The following GCLC variants were observed in gnomAD, a reference collection of about 807,000 sequenced individuals.
GCLC encodes glutamate-cysteine ligase catalytic subunit, also known as glutamate--cysteine ligase catalytic subunit.
In GCLC, 30 loss-of-function variants were observed where a neutral mutation model predicts 81.5. The ratio of observed to expected loss-of-function variants is 0.37; its 90% CI spans 0.28 to 0.50. GCLC has a LOEUF of 0.50. Among genes scored for constraint, GCLC ranks in the 20% least tolerant of loss-of-function variants. The pLI is 0.96. For missense variants in GCLC, 556 were observed against 777.4 expected (o/e 0.72, Z 3.39); for synonymous variants, 262 against 273.3 (o/e 0.96, Z 0.41).
intron 3 of GCLC, among the ~76,000 whole-genome samples, chr6:53,517,078 A>ATTT (rs1242492685): frequency 9.5e-6 from 1 of 105,174 alleles, no homozygotes; most frequent in African/African-American, 3.9e-5. Flanking sequence ...TTTAAAAAAA[A>ATTT]ATTTTTTTTT....
At chr6:53,542,931 C>CT (rs1763384809) in intron 1 of GCLC, among the ~76,000 whole-genome samples, 1 of 152,046 alleles carries the variant, frequency 6.6e-6, no homozygotes, top group African/African-American at 2.4e-5. Context: ...ATTGCTTGAA[C>CT]CCGGGAGGCT....
At chr6:53,515,838 A>G (rs1465188168) in intron 4 of GCLC, among the ~76,000 whole-genome samples, 1 of 152,144 alleles carries the variant, frequency 6.6e-6, no homozygotes, top group Non-Finnish European at 1.5e-5. Context: ...TAATCTCCCT[A>G]TTAAAAGAGT....
intron 12 of GCLC, chr6:53,500,773 G>A (rs1029383254): frequency 2.3e-5 from 12 of 517,070 alleles, no homozygotes; most frequent in Admixed American, 1.3e-4. Context: ...CATGTGGAAC[G>A]TCTGCATTTC....
At chr6:53,520,084 T>A (rs1280070487) in intron 3 of GCLC, among the ~76,000 whole-genome samples, 4 of 152,202 alleles carry the variant, frequency 2.6e-5, no homozygotes, top group African/African-American at 9.6e-5. Flanking sequence ...ATCACATTCA[T>A]GTTTTGGCAG....
At chr6:53,531,991 C>T (rs1763179181) in intron 1 of GCLC, among the ~76,000 whole-genome samples, 1 of 152,170 alleles carries the variant, frequency 6.6e-6, no homozygotes, top group Non-Finnish European at 1.5e-5. Flanking sequence ...CATCATTTTT[C>T]TTTCACTCAT....
At position 53,513,893 on chromosome 6, in the gene GCLC, C is replaced by G. The variant is rs183017916; in HGVS notation, c.753+311G>C. 423 of 324,934 alleles carry G rather than the reference C, an allele frequency of 1.3e-3. 1 individual carries two copies. Among genetic ancestry groups the G allele is most frequent in the Non-Finnish European group, 2.0e-3 (347 of 174,478 alleles). 20.1% of individuals were successfully genotyped at this position (324,934 alleles called of 1,614,324 possible). A position where few individuals can be genotyped will look rare whatever the true frequency, so the allele number is the denominator to read the frequency against. On this transcript the variant is annotated intron_variant, in intron 6 of 15. Transcript: ENST00000650454. ...GCCTGTCACGAGATGGCAGTAAAAA[C>G]TAGGCATATAAAAAGAGAAGGGAAA...
rs1762930327 is a variant in GCLC at position 53,518,570 on chromosome 6, G to A, written c.446+2208C>T. The stretch of plus-strand genomic sequence containing the variant: ...CCAGACACTAAATCTTTTTTAAAAA[G>A]GCAACTATCCCATATGGAACCATTC... On this transcript the variant is annotated intron_variant, in intron 3 of 15. Transcript: ENST00000650454. Among the ~76,000 whole-genome samples the A allele has an allele frequency of 2.0e-5, 3 of 152,074 alleles. No individual in the cohort carries two copies. In the South Asian group the frequency reaches 6.2e-4, roughly 31 times the overall value.
chr6:53,514,399 C>T (rs368558914), intron 5 of GCLC, 40 bp downstream of exon 5: 7 of 1,592,346 alleles, frequency 4.4e-6, no homozygotes, highest in South Asian at 1.1e-5. Flanking sequence ...AACAATACAA[C>T]ATGTCTCTCT....
At chr6:53,534,682 G>A (rs772352546) in intron 1 of GCLC, among the ~76,000 whole-genome samples, 1 of 152,132 alleles carries the variant, frequency 6.6e-6, no homozygotes, top group South Asian at 2.1e-4. Flanking sequence ...CTGGGTGGAA[G>A]AGATGGAGCT....
intron 1 of GCLC, among the ~76,000 whole-genome samples, chr6:53,526,090 A>G (rs1763076056): frequency 1.3e-5 from 2 of 152,236 alleles, no homozygotes; most frequent in South Asian, 4.1e-4. Context: ...AATAAAAGTC[A>G]TTAATACACT....
At chr6:53,526,564 C>T (rs530042751) in intron 1 of GCLC, among the ~76,000 whole-genome samples, 137 of 152,006 alleles carry the variant, frequency 9.0e-4, no homozygotes, top group Non-Finnish European at 1.5e-3. Context: ...TTTGGGAGGC[C>T]GAGGCGGGCG....
At chr6:53,520,670 T>A in intron 3 of GCLC, 108 bp downstream of exon 3, 1 of 894,144 alleles carries the variant, frequency 1.1e-6, no homozygotes, top group Non-Finnish European at 1.9e-6. Flanking sequence ...AGATAAACCA[T>A]CTGTAACGTA....
Position 53,500,590 on chromosome 6 carries a change from T to G in GCLC, c.1396-77A>C, listed in dbSNP as rs1764492104. The G allele has an allele frequency of 7.0e-6, 7 of 994,214 alleles. No homozygotes were observed. The South Asian group carries it at 8.9e-5, about 13-fold the overall frequency. 61.6% of individuals were successfully genotyped at this position (994,214 alleles called of 1,614,324 possible). On this transcript the variant is annotated intron_variant, in intron 12 of 15. Coordinates refer to ENST00000650454, the MANE Select transcript of GCLC (RefSeq NM_001498.4). Reference sequence around the variant, plus strand: ...ACAAGTTGCAGCACCTTCCTCACCTTTGCAATTAGGACTCATTCCCTTAGG... The same window carrying G: ...ACAAGTTGCAGCACCTTCCTCACCTGTGCAATTAGGACTCATTCCCTTAGG...
At chr6:53,542,966 A>G (rs1186555531) in intron 1 of GCLC, among the ~76,000 whole-genome samples, 2 of 152,082 alleles carry the variant, frequency 1.3e-5, no homozygotes, top group Admixed American at 6.6e-5. Flanking sequence ...CCGAGATCAC[A>G]CCATTGCACT....
At chr6:53,534,703 G>A (rs1763230702) in intron 1 of GCLC, among the ~76,000 whole-genome samples, 1 of 151,940 alleles carries the variant, frequency 6.6e-6, no homozygotes, top group Non-Finnish European at 1.5e-5. Flanking sequence ...GAAGGTCCGG[G>A]GAAACCATTT....
intron 3 of GCLC, among the ~76,000 whole-genome samples, chr6:53,517,432 A>C (rs1380267392): frequency 6.6e-6 from 1 of 151,774 alleles, no homozygotes; most frequent in Non-Finnish European, 1.5e-5. Flanking sequence ...CCTTTTCTTA[A>C]TATAAAATAA....
intron 15 of GCLC, 85 bp from the exon 16 acceptor site, chr6:53,499,052 C>CACAATTCT (rs1764446190): frequency 7.1e-6 from 6 of 840,450 alleles, no homozygotes; most frequent in Non-Finnish European, 1.2e-5. Flanking sequence ...TCAGCATAAA[C>CACAATTCT]ACAATTCTGG....
Position 53,500,121 on chromosome 6 carries a change from A to G in GCLC, c.1626T>C (p.Leu542=). The G allele has an allele frequency of 6.2e-7, 1 of 1,613,094 alleles. No homozygotes were observed. Among genetic ancestry groups the G allele is most frequent in the Middle Eastern group, 1.7e-4 (1 of 6,060 alleles). ...PGLIPILNSY[L]ENMEVDVDTR... is the part of the protein sequence containing the mutation. ...TGTCCACATCCACTTCCATGTTTTC[A>G]AGGTAAGAGTTCAGAATTGGGATCA... Residue 542 remains leucine (L), a synonymous_variant, in exon 15 of 16, where the codon CTT becomes CTC. Coordinates refer to ENST00000650454, the MANE Select transcript of GCLC (RefSeq NM_001498.4).
At chr6:53,521,439 G>A (rs1762993515) in intron 2 of GCLC, among the ~76,000 whole-genome samples, 1 of 152,090 alleles carries the variant, frequency 6.6e-6, no homozygotes. Flanking sequence ...ACAGGCATGA[G>A]CCACCATGCC....
Sources: allele counts gnomAD v4.1 joint callset (sites outside exome capture counted in the v4.1 genomes callset), GRCh38; gene constraint gnomAD v4.1.1; transcripts MANE v1.5; gene names NCBI Gene and HGNC (gene_info 2026-07-23, HGNC 2026-07-21).